Variants in TRMT2B observed in about 807,000 individuals in gnomAD.
TRMT2B encodes the protein tRNA methyltransferase 2B.
TRMT2B carries 34 observed loss-of-function variants against 39.7 expected under a neutral mutation model. The ratio of observed to expected loss-of-function variants is 0.86; its 90% CI spans 0.65 to 1.14. The LOEUF (loss-of-function observed/expected upper bound fraction) is 1.14. Ranked by LOEUF, TRMT2B falls within the 50% of genes most tolerant of loss-of-function variation. The pLI, the probability that TRMT2B is intolerant of heterozygous loss-of-function variation, is 0.00. For synonymous variants in TRMT2B, 132 were observed against 137.3 expected (o/e 0.96, Z 0.27); for missense variants, 318 against 377.2 (o/e 0.84, Z 1.30).
At chrX:101,022,719 C>T (rs1309746321) in intron 8 of TRMT2B, among the ~76,000 whole-genome samples, 1 of 111,100 alleles carries the variant, frequency 9.0e-6, no homozygotes, top group Non-Finnish European at 1.9e-5. Flanking sequence ...ATTGCTTGAG[C>T]CCAGCAGTTT....
At chrX:101,024,653 T>C (rs1031493174) in intron 7 of TRMT2B, among the ~76,000 whole-genome samples, 1 of 111,187 alleles carries the variant, frequency 9.0e-6, no homozygotes, top group Non-Finnish European at 1.9e-5. Flanking sequence ...GGCAACCCCG[T>C]CTCTACTAAA....
intron 2 of TRMT2B, among the ~76,000 whole-genome samples, chrX:101,046,145 CAAA>C (rs10659413): frequency 1.8e-5 from 1 of 56,956 alleles, no homozygotes. Flanking sequence ...GACTCAGTCT[CAAA>C]AAAAAAAAAA....
At chrX:100,997,174 C>CA in the TRMT2B span, among the ~76,000 whole-genome samples, 3 of 112,039 alleles carry the variant, frequency 2.7e-5, no homozygotes, top group African/African-American at 9.7e-5. Context: ...GTGGCCTTAA[C>CA]ACCTTTCCAG....
In TRMT2B at chrX:101,051,299, C is replaced by G; in HGVS notation, c.-72G>C. 1.3e-6 allele frequency: 1 copy of G among 754,092 alleles called. No homozygotes were observed. Among genetic ancestry groups the G allele is most frequent in the Non-Finnish European group, 1.6e-6 (1 of 639,378 alleles). 62.1% of individuals were successfully genotyped at this position (754,092 alleles called of 1,213,427 possible). ...TTGGAGCAAAATGTTCACCCACCGACAAGGGTCCTGCTTGCACTCTCTGCT... is the reference window on the plus strand; with the variant it reads ...TTGGAGCAAAATGTTCACCCACCGAGAAGGGTCCTGCTTGCACTCTCTGCT... On this transcript the variant is annotated 5_prime_UTR_variant, in exon 2 of 14. Transcript: ENST00000372936.
chrX:101,003,867 G>C, the TRMT2B span, among the ~76,000 whole-genome samples: 6 of 111,377 alleles, frequency 5.4e-5, no homozygotes, highest in African/African-American at 2.0e-4. Context: ...ATCTTGCTGT[G>C]TCACCCAGGC....
At chrX:100,986,564 TG>T in the TRMT2B span, among the ~76,000 whole-genome samples, 1 of 112,223 alleles carries the variant, frequency 8.9e-6, no homozygotes, top group Non-Finnish European at 1.9e-5. Context: ...AAATGAGCCC[TG>T]GGGGGACTAT....
At chrX:100,992,808 A>G in the TRMT2B span, among the ~76,000 whole-genome samples, 1 of 111,471 alleles carries the variant, frequency 9.0e-6, no homozygotes, top group Non-Finnish European at 1.9e-5. Context: ...GAGAGGTTAA[A>G]TAATTTTTCC....
At chrX:101,019,222 G>T in intron 12 of TRMT2B, 62 bp downstream of exon 12, 1 of 1,202,693 alleles carries the variant, frequency 8.3e-7, no homozygotes, top group Non-Finnish European at 1.1e-6. Flanking sequence ...GCATGGTGTG[G>T]AAAAGAAGAA....
At chrX:101,033,662 T>C (rs903881177) in intron 7 of TRMT2B, among the ~76,000 whole-genome samples, 4 of 110,497 alleles carry the variant, frequency 3.6e-5, no homozygotes, top group Non-Finnish European at 7.6e-5. Flanking sequence ...AGGTAATTAT[T>C]CATGCCAATA....
chrX:101,008,569 G>C (rs1401061732), downstream of TRMT2B, among the ~76,000 whole-genome samples: 4 of 111,638 alleles, frequency 3.6e-5, no homozygotes, highest in African/African-American at 1.3e-4. Context: ...GTTGCAGTGA[G>C]CTGAGATCAC....
intron 2 of TRMT2B, among the ~76,000 whole-genome samples, chrX:101,045,416 T>C (rs1322777412): frequency 2.9e-5 from 3 of 102,044 alleles, no homozygotes; most frequent in Non-Finnish European, 2.0e-5. Flanking sequence ...ATCACACCAT[T>C]GCACTCCAGC....
intron 4 of TRMT2B, among the ~76,000 whole-genome samples, chrX:101,040,860 A>G (rs975437399): frequency 9.0e-6 from 1 of 111,592 alleles, no homozygotes; most frequent in African/African-American, 3.3e-5. Flanking sequence ...TAAAGTTCCA[A>G]TTTTGGAGTC....
chrX:100,975,025 C>T, the TRMT2B span, among the ~76,000 whole-genome samples: 1 of 111,723 alleles, frequency 9.0e-6, no homozygotes, highest in African/African-American at 3.3e-5. Flanking sequence ...ATTTGTCCCC[C>T]CCAGTATTCA....
At chrX:101,028,754 C>T (rs1286292030) in intron 7 of TRMT2B, among the ~76,000 whole-genome samples, 2 of 111,779 alleles carry the variant, frequency 1.8e-5, no homozygotes, top group East Asian at 5.7e-4. Context: ...AAATTGTAAT[C>T]CCCACATGTT....
At chrX:100,988,337 C>T in the TRMT2B span, 19 of 1,203,403 alleles carry the variant, frequency 1.6e-5, no homozygotes, top group Admixed American at 3.9e-4. Context: ...AACACGTGGG[C>T]ACCAACTAAC....
chrX:101,020,376 C>CT (rs774193660), intron 11 of TRMT2B, 111 bp downstream of exon 11: 39 of 613,078 alleles, frequency 6.4e-5, no homozygotes, highest in Non-Finnish European at 1.0e-4. Context: ...AATTCCCTCC[C>CT]TTCCTCCCTG....
intron 7 of TRMT2B, among the ~76,000 whole-genome samples, chrX:101,025,127 A>T: frequency 8.9e-6 from 1 of 111,887 alleles, no homozygotes; most frequent in East Asian, 2.8e-4. Context: ...TTATTGAAAA[A>T]TTTTATGAAT....
the TRMT2B span, among the ~76,000 whole-genome samples, chrX:100,978,157 A>G: frequency 3.6e-5 from 4 of 112,463 alleles, no homozygotes; most frequent in African/African-American, 1.3e-4. Context: ...CAGAATGATC[A>G]ATATGCTGAG....
chrX:101,020,057 G>A (rs1402132141), intron 11 of TRMT2B, among the ~76,000 whole-genome samples: 1 of 108,097 alleles, frequency 9.3e-6, no homozygotes, highest in Non-Finnish European at 1.9e-5. Flanking sequence ...CTTTCTGTAG[G>A]TGAAGCAGTG....
Sources: gnomAD v4.1 joint callset for allele counts (sites outside exome capture counted in the v4.1 genomes callset) on GRCh38, gnomAD v4.1.1 for gene constraint, MANE v1.5 for transcripts, NCBI Gene and HGNC (gene_info 2026-07-23, HGNC 2026-07-21) for gene names.